NPIPA1: variants seen among roughly 807,000 people sequenced by gnomAD.
NPIPA1 encodes nuclear pore complex-interacting protein family member A1.
For missense variants in NPIPA1, 22 were observed against 232.2 expected (o/e 0.09, Z 5.88); for synonymous variants, 7 against 88.0 (o/e 0.08, Z 5.15).
chr16:14,943,087 A>C (rs1965790644), intron 2 of NPIPA1, among the ~76,000 whole-genome samples: 1 of 152,230 alleles, frequency 6.6e-6, no homozygotes, highest in Non-Finnish European at 1.5e-5. Flanking sequence ...GGCACATTTA[A>C]CATTCTCTAT....
At chr16:14,945,248 G>GTA (rs1965857740) in intron 2 of NPIPA1, among the ~76,000 whole-genome samples, 6 of 148,170 alleles carry the variant, frequency 4.0e-5, no homozygotes, top group Non-Finnish European at 6.0e-5. Context: ...GTGTGTGTGT[G>GTA]TGTGTGTGTG....
intron 2 of NPIPA1, among the ~76,000 whole-genome samples, chr16:14,943,144 CTTTTTTT>C (rs796144995): frequency 7.5e-6 from 1 of 133,062 alleles, no homozygotes; most frequent in East Asian, 2.4e-4. Context: ...TTGGAGGAAG[CTTTTTTT>C]TTTTTTTTTT....
intron 4 of NPIPA1, among the ~76,000 whole-genome samples, chr16:14,947,042 G>T (rs1435344619): frequency 6.6e-6 from 1 of 152,032 alleles, no homozygotes; most frequent in Non-Finnish European, 1.5e-5. Flanking sequence ...GGCCAGGCTA[G>T]TCTTGAACTC....
chr16:14,944,908 T>TATA (rs1491173543), intron 2 of NPIPA1, among the ~76,000 whole-genome samples: 7 of 45,846 alleles, frequency 1.5e-4, no homozygotes, highest in African/African-American at 2.6e-4. Context: ...CTGGCCTATA[T>TATA]TTTTTTTTTT....
At chr16:14,941,335 T>C (rs1597171701) in intron 1 of NPIPA1, among the ~76,000 whole-genome samples, 3 of 127,542 alleles carry the variant, frequency 2.4e-5, no homozygotes, top group African/African-American at 9.3e-5. Context: ...CTCGGGAGGC[T>C]GAGGCAGGAG....
intron 1 of NPIPA1, among the ~76,000 whole-genome samples, chr16:14,940,091 T>C (rs1965712249): frequency 1.0e-5 from 1 of 99,238 alleles, no homozygotes; most frequent in African/African-American, 3.8e-5. Flanking sequence ...GAGATGGGTT[T>C]CACCGTGTTA....
At chr16:14,940,359 A>C (rs1398142723) in intron 1 of NPIPA1, among the ~76,000 whole-genome samples, 1 of 151,964 alleles carries the variant, frequency 6.6e-6, no homozygotes, top group African/African-American at 2.4e-5. Context: ...ACCATGTGAT[A>C]TATAATAAAT....
intron 5 of NPIPA1, chr16:14,949,603 T>C: frequency 1.5e-6 from 1 of 681,722 alleles, no homozygotes; most frequent in East Asian, 4.9e-5. Context: ...TTTGTTTTTG[T>C]TTTTGTTTTT....
At chr16:14,946,551 G>C (rs1965891321) in intron 4 of NPIPA1, among the ~76,000 whole-genome samples, 1 of 146,240 alleles carries the variant, frequency 6.8e-6, no homozygotes, top group Non-Finnish European at 1.5e-5. Context: ...TTGAGATAGA[G>C]TCTCGCTCTG....
intron 1 of NPIPA1, among the ~76,000 whole-genome samples, chr16:14,940,042 C>T (rs1157866287): frequency 6.4e-5 from 4 of 62,016 alleles, no homozygotes; most frequent in East Asian, 6.9e-4. Flanking sequence ...ACTATAGGCG[C>T]GTGCCACCAT....
At chr16:14,940,085 T>C (rs1426254142) in intron 1 of NPIPA1, among the ~76,000 whole-genome samples, 2 of 94,570 alleles carry the variant, frequency 2.1e-5, no homozygotes, top group Non-Finnish European at 4.2e-5. Flanking sequence ...TTAGTAGAGA[T>C]GGGTTTCACC....
intron 4 of NPIPA1, among the ~76,000 whole-genome samples, chr16:14,947,329 C>A (rs2151083987): frequency 6.6e-6 from 1 of 152,126 alleles, no homozygotes; most frequent in Admixed American, 6.6e-5. Context: ...GGTCAGGGGT[C>A]CTCCGTACAG....
chr16:14,938,658 C>T (rs1965682397), intron 1 of NPIPA1, among the ~76,000 whole-genome samples: 1 of 144,204 alleles, frequency 6.9e-6, no homozygotes, highest in Non-Finnish European at 1.5e-5. Flanking sequence ...GCCGAGATGG[C>T]CCCGCTGCAC....
intron 4 of NPIPA1, among the ~76,000 whole-genome samples, chr16:14,946,429 C>G (rs1307860762): frequency 6.9e-6 from 1 of 144,194 alleles, no homozygotes; most frequent in African/African-American, 2.5e-5. Flanking sequence ...ACCATGTTGT[C>G]CAGACTGGTC....
chr16:14,942,767 A>T (rs1204685572), intron 2 of NPIPA1, among the ~76,000 whole-genome samples: 1 of 152,258 alleles, frequency 6.6e-6, no homozygotes, highest in Admixed American at 6.5e-5. Context: ...GTATGTCAAA[A>T]GTCTGTACTT....
At chr16:14,943,748 A>G (rs1417623155) in intron 2 of NPIPA1, among the ~76,000 whole-genome samples, 376 of 151,752 alleles carry the variant, frequency 2.5e-3, no homozygotes, top group African/African-American at 8.8e-3. Flanking sequence ...TGCTCTTTTC[A>G]TCTTTTTAGA....
intron 1 of NPIPA1, among the ~76,000 whole-genome samples, chr16:14,937,932 C>T (rs1297664775): frequency 3.4e-5 from 5 of 147,012 alleles, no homozygotes; most frequent in South Asian, 4.6e-4. Flanking sequence ...CCCTGATCTT[C>T]TCCGTGACCT....
intron 1 of NPIPA1, among the ~76,000 whole-genome samples, chr16:14,938,973 C>T (rs1965691655): frequency 1.4e-5 from 2 of 140,344 alleles, no homozygotes; most frequent in Non-Finnish European, 3.0e-5. Context: ...ATCTGCCTGC[C>T]TCGGCCTCCC....
At chr16:14,943,271 C>G (rs1368458121) in intron 2 of NPIPA1, among the ~76,000 whole-genome samples, 1 of 151,712 alleles carries the variant, frequency 6.6e-6, no homozygotes, top group African/African-American at 2.4e-5. Context: ...ATTCCCCTGC[C>G]TCAGCCTCTC....
Sources: gnomAD v4.1 joint callset for allele counts (sites outside exome capture counted in the v4.1 genomes callset) on GRCh38, gnomAD v4.1.1 for gene constraint, MANE v1.5 for transcripts, NCBI Gene and HGNC (gene_info 2026-07-23, HGNC 2026-07-21) for gene names.